FOXN3: variants seen among roughly 807,000 people sequenced by gnomAD.
FOXN3 encodes the protein forkhead box protein N3.
A neutral mutation model predicts 38.4 loss-of-function variants in FOXN3; 7 were observed. The observed-to-expected ratio is 0.18, with a 90% CI of 0.10 to 0.34. The LOEUF (loss-of-function observed/expected upper bound fraction) is 0.34, where lower values mean the gene tolerates loss of function less well. Ranked by LOEUF, FOXN3 falls within the 10% of genes least tolerant of loss-of-function variation. The probability of loss-of-function intolerance (pLI) is 1.00; values close to 1 mark genes in which losing one functional copy is unlikely to be tolerated. For synonymous variants in FOXN3, 230 were observed against 242.2 expected (o/e 0.95, Z 0.47); for missense variants, 456 against 613.4 (o/e 0.74, Z 2.71).
chr14:89,324,808 G>A (rs1386770250), intron 3 of FOXN3, among the ~76,000 whole-genome samples: 1 of 152,142 alleles, frequency 6.6e-6, no homozygotes, highest in Non-Finnish European at 1.5e-5. Flanking sequence ...GAAAGACACT[G>A]AGAGGTTTCA....
intron 1 of FOXN3, among the ~76,000 whole-genome samples, chr14:89,506,070 T>TGGG (rs1394803417): frequency 8.9e-6 from 1 of 112,900 alleles, no homozygotes; most frequent in African/African-American, 3.3e-5. Context: ...AGAAGGGAGG[T>TGGG]GGGGGGGTCA....
intron 1 of FOXN3, among the ~76,000 whole-genome samples, chr14:89,477,672 G>A (rs754664632): frequency 2.0e-5 from 3 of 152,140 alleles, no homozygotes; most frequent in Non-Finnish European, 4.4e-5. Context: ...GGGCTGAAGG[G>A]AACCAACTTG....
chr14:89,547,588 C>A (rs1367267830), intron 1 of FOXN3, among the ~76,000 whole-genome samples: 1 of 152,042 alleles, frequency 6.6e-6, no homozygotes. Context: ...GATGAGTATG[C>A]CACATTGCTT....
chr14:89,593,086 AAGG>A (rs1179790525), intron 1 of FOXN3, among the ~76,000 whole-genome samples: 2 of 141,084 alleles, frequency 1.4e-5, no homozygotes, highest in African/African-American at 2.6e-5. Context: ...GGAATGAGGG[AAGG>A]AGGAGGAAGG....
At chr14:89,342,218 G>A (rs1039720746) in intron 3 of FOXN3, among the ~76,000 whole-genome samples, 4 of 152,194 alleles carry the variant, frequency 2.6e-5, no homozygotes, top group Non-Finnish European at 5.9e-5. Flanking sequence ...GAGTAAAATA[G>A]ATATAATCAG....
intron 3 of FOXN3, among the ~76,000 whole-genome samples, chr14:89,292,083 G>A (rs1480080508): frequency 2.0e-5 from 3 of 152,078 alleles, no homozygotes; most frequent in Non-Finnish European, 2.9e-5. Flanking sequence ...TTTTCTAAAC[G>A]AAGGACATGC....
intron 1 of FOXN3, among the ~76,000 whole-genome samples, chr14:89,519,556 T>A (rs1894278156): frequency 7.8e-6 from 1 of 128,914 alleles, no homozygotes. Flanking sequence ...GGCGACGATT[T>A]GGAGGAGAGA....
intron 4 of FOXN3, among the ~76,000 whole-genome samples, chr14:89,233,954 T>G (rs1396874492): frequency 6.6e-6 from 1 of 152,222 alleles, no homozygotes; most frequent in Non-Finnish European, 1.5e-5. Flanking sequence ...AGAAAGAGCC[T>G]GTGCCTGTTC....
chr14:89,390,765 G>A (rs892724015), intron 2 of FOXN3, among the ~76,000 whole-genome samples: 2 of 152,318 alleles, frequency 1.3e-5, no homozygotes, highest in Non-Finnish European at 2.9e-5. Flanking sequence ...TGCAGATGCT[G>A]TAAGAGGTGC....
chr14:89,186,273 G>C (rs1035929548), intron 4 of FOXN3, among the ~76,000 whole-genome samples: 4 of 152,072 alleles, frequency 2.6e-5, no homozygotes, highest in Non-Finnish European at 5.9e-5. Flanking sequence ...CCCAGTTCCA[G>C]GCAGGGGGAG....
chr14:89,318,582 T>C (rs1356293404), intron 3 of FOXN3, among the ~76,000 whole-genome samples: 1 of 152,206 alleles, frequency 6.6e-6, no homozygotes, highest in Non-Finnish European at 1.5e-5. Context: ...TAAAACATAA[T>C]CTTGGCTAAC....
intron 4 of FOXN3, among the ~76,000 whole-genome samples, chr14:89,213,414 T>C (rs1184436676): frequency 6.6e-6 from 1 of 152,224 alleles, no homozygotes; most frequent in East Asian, 1.9e-4. Context: ...CATATTTCTC[T>C]TTTTGCCTTA....
At chr14:89,231,115 G>A (rs1171714588) in intron 4 of FOXN3, among the ~76,000 whole-genome samples, 1 of 151,958 alleles carries the variant, frequency 6.6e-6, no homozygotes, top group African/African-American at 2.4e-5. Flanking sequence ...ACTTACCTGG[G>A]GTGATTTTGT....
In FOXN3 at chr14:89,217,749, G is replaced by A. The variant is rs181085181; in HGVS notation, c.746-36943C>T. Among the ~76,000 whole-genome samples, 886 of 152,250 alleles carry A rather than the reference G, an allele frequency of 5.8e-3. 1 individual carries two copies. Among genetic ancestry groups the A allele is most frequent in the Non-Finnish European group, 9.0e-3 (613 of 68,022 alleles). ...TGTCAGCTTCCCATGCCCACCCATG[G>A]GTCCCAACAAACTACCAAAGGGAAG... On this transcript the variant is annotated intron_variant, in intron 4 of 5. Transcript: ENST00000557258.
intron 1 of FOXN3, among the ~76,000 whole-genome samples, chr14:89,518,526 T>C (rs1894252805): frequency 6.6e-6 from 1 of 152,232 alleles, no homozygotes; most frequent in South Asian, 2.1e-4. Flanking sequence ...ATCCTTATAC[T>C]GTGTTCTCCC....
chr14:89,222,610 C>A (rs1334155262), intron 4 of FOXN3, among the ~76,000 whole-genome samples: 1 of 152,012 alleles, frequency 6.6e-6, no homozygotes, highest in Non-Finnish European at 1.5e-5. Flanking sequence ...GCACAGACAC[C>A]CAGCCGAGCT....
intron 1 of FOXN3, among the ~76,000 whole-genome samples, chr14:89,463,273 C>A (rs1596284079): frequency 3.5e-5 from 5 of 144,388 alleles, no homozygotes; most frequent in South Asian, 2.2e-4. Context: ...GGCTCTGTCT[C>A]AAAAAAAAAA....
chr14:89,554,782 C>CTTTTTTTTTT (rs34530866), intron 1 of FOXN3, among the ~76,000 whole-genome samples: 2 of 68,590 alleles, frequency 2.9e-5, no homozygotes, highest in African/African-American at 1.0e-4. Context: ...ACTAGCATTT[C>CTTTTTTTTTT]TTTTTTTTTT....
intron 2 of FOXN3, among the ~76,000 whole-genome samples, chr14:89,360,252 G>A (rs1889411254): frequency 6.6e-6 from 1 of 151,802 alleles, no homozygotes; most frequent in South Asian, 2.1e-4. Flanking sequence ...CCCTAAAGGA[G>A]GAAGGAGAGA....
Sources: allele counts gnomAD v4.1 joint callset (sites outside exome capture counted in the v4.1 genomes callset), GRCh38; gene constraint gnomAD v4.1.1; transcripts MANE v1.5; gene names NCBI Gene and HGNC (gene_info 2026-07-23, HGNC 2026-07-21).